MSRA: variants seen among roughly 807,000 people sequenced by gnomAD.
MSRA encodes mitochondrial peptide methionine sulfoxide reductase.
MSRA carries 54 observed loss-of-function variants against 31.3 expected under a neutral mutation model. That is an observed-to-expected ratio of 1.73 (90% confidence interval 1.39 to 2.17). The LOEUF (loss-of-function observed/expected upper bound fraction) is 2.17, where lower values mean the gene tolerates loss of function less well. MSRA is among the 30% of genes most tolerant of loss of function. The probability of loss-of-function intolerance (pLI) is 0.00; values close to 1 mark genes in which losing one functional copy is unlikely to be tolerated. For missense variants in MSRA, 507 were observed against 300.9 expected (o/e 1.69, Z -5.07); for synonymous variants, 169 against 116.5 (o/e 1.45, Z -2.90).
chr8:10,274,850 A>G (rs1314639346), intron 3 of MSRA, among the ~76,000 whole-genome samples: 5 of 151,910 alleles, frequency 3.3e-5, no homozygotes, highest in Admixed American at 1.3e-4. Flanking sequence ...CAACCAAGCA[A>G]CCATCCATCT....
At chr8:10,198,058 A>C (rs932483239) in intron 1 of MSRA, among the ~76,000 whole-genome samples, 4 of 152,138 alleles carry the variant, frequency 2.6e-5, no homozygotes, top group Non-Finnish European at 5.9e-5. Context: ...AGTATTTTAC[A>C]ACTTCCAAAA....
At chr8:10,280,907 C>G (rs1034530403) in intron 3 of MSRA, among the ~76,000 whole-genome samples, 1 of 152,202 alleles carries the variant, frequency 6.6e-6, no homozygotes, top group Admixed American at 6.5e-5. Context: ...TCGCAAAAAA[C>G]CATAGAGTGT....
At chr8:10,259,823 C>T (rs546519896) in intron 3 of MSRA, among the ~76,000 whole-genome samples, 2 of 152,296 alleles carry the variant, frequency 1.3e-5, no homozygotes, top group South Asian at 2.1e-4. Context: ...GGCTGCTGCT[C>T]CTCTCGGCTT....
chr8:10,306,090 T>G (rs1801125325), intron 4 of MSRA, among the ~76,000 whole-genome samples: 1 of 152,140 alleles, frequency 6.6e-6, no homozygotes, highest in Admixed American at 6.5e-5. Flanking sequence ...TTCCTGGCCA[T>G]GGGGTACCCA....
At chr8:10,299,539 A>G (rs1429839233) in intron 3 of MSRA, among the ~76,000 whole-genome samples, 2 of 152,150 alleles carry the variant, frequency 1.3e-5, no homozygotes, top group African/African-American at 4.8e-5. Flanking sequence ...TTAAAATTAT[A>G]TGGACTAGCC....
intron 1 of MSRA, among the ~76,000 whole-genome samples, chr8:10,081,792 T>C (rs1237921267): frequency 2.0e-5 from 3 of 152,154 alleles, no homozygotes; most frequent in Non-Finnish European, 4.4e-5. Flanking sequence ...CCACTACGCC[T>C]GGCCAATGTA....
At chr8:10,178,420 T>C (rs1806246468) in intron 1 of MSRA, among the ~76,000 whole-genome samples, 1 of 151,910 alleles carries the variant, frequency 6.6e-6, no homozygotes, top group Non-Finnish European at 1.5e-5. Flanking sequence ...CGAGACCCTG[T>C]CTCTACTTGA....
At chr8:10,323,745 C>CGTGTGTGTGT (rs10643873) in intron 5 of MSRA, among the ~76,000 whole-genome samples, 6,408 of 142,580 alleles carry the variant, frequency 0.045, 307 homozygotes, top group African/African-American at 0.11. Flanking sequence ...GAATTAAATA[C>CGTGTGTGTGT]GTGTGTGTGT....
chr8:10,344,791 A>C (rs902012020), intron 5 of MSRA, among the ~76,000 whole-genome samples: 1 of 152,128 alleles, frequency 6.6e-6, no homozygotes, highest in Non-Finnish European at 1.5e-5. Flanking sequence ...ACAAGACCTC[A>C]GGTTCACTCT....
At chr8:10,415,448 G>T (rs1403523122) in intron 5 of MSRA, among the ~76,000 whole-genome samples, 1 of 152,158 alleles carries the variant, frequency 6.6e-6, no homozygotes, top group African/African-American at 2.4e-5. Flanking sequence ...GGTTCACGTG[G>T]TTCCTTCAGT....
At chr8:10,422,552 A>T (rs1177381853) in intron 5 of MSRA, among the ~76,000 whole-genome samples, 2 of 152,232 alleles carry the variant, frequency 1.3e-5, no homozygotes, top group Non-Finnish European at 2.9e-5. Flanking sequence ...TACTGTATGC[A>T]GTCCTGCTGA....
chr8:10,188,020 G>A (rs1418340885), intron 1 of MSRA, among the ~76,000 whole-genome samples: 2 of 152,000 alleles, frequency 1.3e-5, no homozygotes, highest in South Asian at 2.1e-4. Flanking sequence ...AAACAATTAG[G>A]GAATATTTAC....
chr8:10,348,482 G>A (rs1803929185), intron 5 of MSRA, among the ~76,000 whole-genome samples: 1 of 139,472 alleles, frequency 7.2e-6, no homozygotes. Flanking sequence ...CAGTTCTCCT[G>A]CCTCAGCCTT....
At chr8:10,175,359 A>G (rs1270466740) in intron 1 of MSRA, among the ~76,000 whole-genome samples, 1 of 152,232 alleles carries the variant, frequency 6.6e-6, no homozygotes, top group East Asian at 1.9e-4. Flanking sequence ...CCGCAATTGG[A>G]ACATGTTTAC....
chr8:10,263,347 C>T (rs932308060), intron 3 of MSRA, among the ~76,000 whole-genome samples: 5 of 152,202 alleles, frequency 3.3e-5, no homozygotes, highest in Non-Finnish European at 7.3e-5. Flanking sequence ...TAGCCTTGTT[C>T]TCAGAGTGCT....
chr8:10,258,977 CA>C (rs979881040), intron 3 of MSRA, among the ~76,000 whole-genome samples: 1 of 151,928 alleles, frequency 6.6e-6, no homozygotes, highest in African/African-American at 2.4e-5. Context: ...TGTGGTGGTG[CA>C]AGTCTGTAAT....
intron 3 of MSRA, among the ~76,000 whole-genome samples, chr8:10,280,030 C>A (rs767958935): frequency 1.3e-5 from 2 of 152,276 alleles, no homozygotes; most frequent in East Asian, 3.9e-4. Flanking sequence ...AAAGATAGTG[C>A]AGCCTTGCTT....
At chr8:10,387,231 A>G (rs1806450862) in intron 5 of MSRA, among the ~76,000 whole-genome samples, 1 of 152,266 alleles carries the variant, frequency 6.6e-6, no homozygotes, top group Admixed American at 6.5e-5. Context: ...GATCGATGTC[A>G]CAAAATCTCT....
chr8:10,327,585 GGT>G (rs1292810072), intron 5 of MSRA, among the ~76,000 whole-genome samples: 1 of 152,082 alleles, frequency 6.6e-6, no homozygotes, highest in Non-Finnish European at 1.5e-5. Context: ...TGGTTTGACT[GGT>G]GTGTGTGTTT....
Sources: gnomAD v4.1 joint callset for allele counts (sites outside exome capture counted in the v4.1 genomes callset) on GRCh38, gnomAD v4.1.1 for gene constraint, MANE v1.5 for transcripts, NCBI Gene and HGNC (gene_info 2026-07-23, HGNC 2026-07-21) for gene names.